ACOT11: variants seen among roughly 807,000 people sequenced by gnomAD.
ACOT11 encodes acyl-coenzyme A thioesterase 11.
ACOT11 carries 69 observed loss-of-function variants against 77.5 expected under a neutral mutation model. The observed-to-expected ratio is 0.89, with a 90% CI of 0.73 to 1.09. The LOEUF is 1.09. Among genes scored for constraint, ACOT11 ranks in the 50% least tolerant of loss-of-function variants. ACOT11 has a pLI of 0.00. For missense variants in ACOT11, 766 were observed against 813.7 expected (o/e 0.94, Z 0.71); for synonymous variants, 279 against 313.0 (o/e 0.89, Z 1.15).
Position 54,578,845 on chromosome 1 carries a change from GAA to G in ACOT11, c.34-5801_34-5800del, listed in dbSNP as rs61293546. 1.4e-4 allele frequency among the ~76,000 whole-genome samples: 20 copies of G among 146,526 alleles called. No homozygotes were observed. The Admixed American group carries it at 1.4e-3, about 10-fold the overall frequency. On this transcript the variant is annotated intron_variant, in intron 1 of 15. Coordinates refer to ENST00000343744, the MANE Select transcript of ACOT11 (RefSeq NM_147161.4). ...AATAAAATATTTAATTTATGATCTT[GAA>G]AAAAAAAAGAATTGCTAGGGTAATA...
chr1:54,568,774 G>T (rs1305877245), intron 1 of ACOT11, among the ~76,000 whole-genome samples: 3 of 151,852 alleles, frequency 2.0e-5, no homozygotes, highest in African/African-American at 7.3e-5. Context: ...AAAAGACAGG[G>T]TCTCACTCTA....
chr1:54,562,575 T>G (rs1234815036), intron 1 of ACOT11, among the ~76,000 whole-genome samples: 47 of 132,744 alleles, frequency 3.5e-4, no homozygotes, highest in South Asian at 7.6e-4. Flanking sequence ...CCGGACGGGG[T>G]GGCTGCCGGG....
At position 54,597,306 on chromosome 1, in the gene ACOT11, C is replaced by G; in HGVS notation, c.655C>G (p.Arg219Gly). Reference protein sequence around the residue: ...CSRMVPAEKTRVESVELVLPP... With the variant: ...CSRMVPAEKTGVESVELVLPP... ...CCGCATGGTGCCGGCTGAGAAGACC[C>G]GTGTGGAGAGTGTGGAGCTGGTCCT... The change falls in exon 7 of 16, where the codon CGT becomes GGT. Residue 219 changes from arginine to glycine, a missense_variant. Arg to Gly is a moderately radical substitution (Grantham distance 125). Coordinates refer to ENST00000343744, the MANE Select transcript of ACOT11 (RefSeq NM_147161.4). 1.2e-6 allele frequency: 2 copies of G among 1,613,850 alleles called. No individual in the cohort carries two copies. Among genetic ancestry groups the G allele is most frequent in the Non-Finnish European group, 1.7e-6 (2 of 1,180,024 alleles).
chr1:54,614,954 G>GTGTGT, downstream of ACOT11: 1 of 1,199,266 alleles, frequency 8.3e-7, no homozygotes, highest in Non-Finnish European at 1.2e-6. Flanking sequence ...GTGTGTGTGT[G>GTGTGT]CATGTGCGTG....
At chr1:54,557,504 T>C (rs998193059) in intron 1 of ACOT11, among the ~76,000 whole-genome samples, 2 of 152,112 alleles carry the variant, frequency 1.3e-5, no homozygotes, top group African/African-American at 4.8e-5. Context: ...GGTTTCAAAC[T>C]ATTGGGCTCA....
At chr1:54,554,640 A>G (rs943579492) in intron 1 of ACOT11, among the ~76,000 whole-genome samples, 1 of 151,276 alleles carries the variant, frequency 6.6e-6, no homozygotes, top group Admixed American at 6.6e-5. Context: ...GAGCCACCAC[A>G]CCCAGCTTTA....
intron 15 of ACOT11, among the ~76,000 whole-genome samples, chr1:54,624,082 G>A (rs1569809614): frequency 6.6e-6 from 1 of 152,302 alleles, no homozygotes; most frequent in East Asian, 1.9e-4. Flanking sequence ...ATGGGGAAGG[G>A]GCTGAGTCAC....
downstream of ACOT11, chr1:54,614,584 AG>A: frequency 9.7e-7 from 1 of 1,030,012 alleles, no homozygotes; most frequent in South Asian, 1.9e-5. Context: ...CTCAGAGGTG[AG>A]GCTATATATA....
intron 6 of ACOT11, among the ~76,000 whole-genome samples, chr1:54,596,304 G>A (rs1245449842): frequency 1.3e-5 from 2 of 152,030 alleles, no homozygotes; most frequent in African/African-American, 4.8e-5. Flanking sequence ...CTGAGAGCCT[G>A]CAAGCCAAGC....
chr1:54,594,732 T>A lies in ACOT11; in HGVS notation c.607+41T>A, dbSNP rs114298823. 2,389 of 1,583,238 alleles carry A rather than the reference T, an allele frequency of 1.5e-3. 31 individuals are homozygous for A. In the African/African-American group the frequency reaches 0.029, roughly 19 times the overall value. On this transcript the variant is annotated intron_variant, in intron 6 of 15. Coordinates refer to ENST00000343744, the MANE Select transcript of ACOT11 (RefSeq NM_147161.4). The stretch of plus-strand genomic sequence containing the variant: ...CTGTGCATGGGGAGGGTAGCTGGCG[T>A]CCTGCATGGCCCCTCTGCCCCGGGC...
At chr1:54,577,505 A>T (rs1014467306) in intron 1 of ACOT11, among the ~76,000 whole-genome samples, 1 of 152,194 alleles carries the variant, frequency 6.6e-6, no homozygotes, top group Non-Finnish European at 1.5e-5. Flanking sequence ...TTTGATAAAG[A>T]TACATATACA....
chr1:54,554,290 A>AGTGTGTGTGTGTGTGT (rs67577349), intron 1 of ACOT11, among the ~76,000 whole-genome samples: 5 of 108,428 alleles, frequency 4.6e-5, no homozygotes, highest in South Asian at 3.2e-4. Context: ...AGTATTCCAT[A>AGTGTGTGTGTGTGTGT]GTGTGTGTGT....
intron 6 of ACOT11, among the ~76,000 whole-genome samples, chr1:54,596,547 A>G (rs558765905): frequency 6.6e-6 from 1 of 152,288 alleles, no homozygotes; most frequent in South Asian, 2.1e-4. Context: ...CCTTTTTGAG[A>G]GCATATTTAC....
intron 7 of ACOT11, 79 bp downstream of exon 7, chr1:54,597,494 A>G: frequency 6.8e-7 from 1 of 1,476,106 alleles, no homozygotes; most frequent in South Asian, 1.4e-5. Flanking sequence ...TGGAGGGGAA[A>G]CCCCAGCTTG....
chr1:54,548,357 C>A lies in ACOT11; in HGVS notation c.33+15C>A. On this transcript the variant is annotated intron_variant, in intron 1 of 15. Transcript: ENST00000343744. ...ACCTGCGACGGGTATGGAGGGTGGG[C>A]TGGGGCAGCGGGAGGGCTCTGGAAG... 6.3e-7 allele frequency: 1 copy of A among 1,599,794 alleles called. No homozygotes were observed. Among genetic ancestry groups the A allele is most frequent in the Admixed American group, 1.7e-5 (1 of 57,922 alleles).
chr1:54,589,513 C>G (rs1484317505), intron 3 of ACOT11, among the ~76,000 whole-genome samples: 1 of 152,034 alleles, frequency 6.6e-6, no homozygotes, highest in Non-Finnish European at 1.5e-5. Flanking sequence ...CTCTGTTGCC[C>G]AGGCTGGGGT....
exon 17 of ACOT11, chr1:54,635,595 C>A: frequency 4.7e-6 from 1 of 213,702 alleles, no homozygotes. Context: ...ATGCCAGGAA[C>A]CAGAGTGCTT....
chr1:54,602,780 C>T, intron 10 of ACOT11, 56 bp downstream of exon 10: 1 of 1,461,264 alleles, frequency 6.8e-7, no homozygotes, highest in Non-Finnish European at 9.1e-7. Flanking sequence ...TCACGCTCCG[C>T]TGACCCCAGG....
At chr1:54,564,841 G>A (rs1653681574) in intron 1 of ACOT11, among the ~76,000 whole-genome samples, 1 of 152,168 alleles carries the variant, frequency 6.6e-6, no homozygotes, top group African/African-American at 2.4e-5. Flanking sequence ...CCTGCAACTG[G>A]AGCCTGCTTC....
Sources: gnomAD v4.1 joint callset for allele counts (sites outside exome capture counted in the v4.1 genomes callset) on GRCh38, gnomAD v4.1.1 for gene constraint, MANE v1.5 for transcripts, NCBI Gene and HGNC (gene_info 2026-07-23, HGNC 2026-07-21) for gene names.